TBC1D23: variants seen among roughly 807,000 people sequenced by gnomAD.
The protein encoded by TBC1D23 is HCV non-structural protein 4A-transactivated protein 1.
Under a neutral mutation model 91.4 loss-of-function variants are expected in TBC1D23, and 55 were observed. That is an observed-to-expected ratio of 0.60 (90% CI 0.48 to 0.75). The LOEUF (loss-of-function observed/expected upper bound fraction) is 0.75. Ranked by LOEUF, TBC1D23 falls within the 30% of genes least tolerant of loss-of-function variation. The pLI is 0.00. For missense variants in TBC1D23, 725 were observed against 836.1 expected, an observed-to-expected ratio of 0.87 and a Z score of 1.64; for synonymous variants, 289 against 281.0, an observed-to-expected ratio of 1.03 and a Z score of -0.28.
At chr3:100,268,408 C>A (rs2067574237) in intron 1 of TBC1D23, among the ~76,000 whole-genome samples, 1 of 151,874 alleles carries the variant, frequency 6.6e-6, no homozygotes, top group South Asian at 2.1e-4. Context: ...TAAAAAAAAA[C>A]CCAATATGTA....
intron 4 of TBC1D23, among the ~76,000 whole-genome samples, chr3:100,286,938 C>T (rs1007956382): frequency 2.0e-5 from 3 of 152,118 alleles, no homozygotes; most frequent in African/African-American, 7.2e-5. Flanking sequence ...GCTTCAGCCC[C>T]CGAGTAGCTG....
chr3:100,266,335 C>T (rs975078953), intron 1 of TBC1D23, among the ~76,000 whole-genome samples: 111 of 151,472 alleles, frequency 7.3e-4, no homozygotes, highest in African/African-American at 2.6e-3. Flanking sequence ...AGTGTGCGAT[C>T]TTGGTTCACT....
chr3:100,299,177 T>C (rs1705369043), intron 9 of TBC1D23, 62 bp from the exon 10 acceptor site: 2 of 1,064,434 alleles, frequency 1.9e-6, no homozygotes, highest in African/African-American at 3.1e-5. Flanking sequence ...CTGTGAATAT[T>C]ATGTTGTGCA....
intron 1 of TBC1D23, 128 bp downstream of exon 1, chr3:100,261,199 C>T: frequency 1.2e-6 from 1 of 844,278 alleles, no homozygotes; most frequent in Non-Finnish European, 1.9e-6. Context: ...AGTCCGGTGC[C>T]CTGCCCTACC....
rs898731874 is a variant in TBC1D23 at position 100,325,125 on chromosome 3, G to A, written c.*1457G>A. 6.6e-6 allele frequency: 1 copy of A among 152,066 alleles called. No homozygotes were observed. Among genetic ancestry groups the A allele is most frequent in the Non-Finnish European group, 1.5e-5 (1 of 68,010 alleles). 9.4% of individuals were successfully genotyped at this position (152,066 alleles called of 1,614,324 possible). A position where few individuals can be genotyped will look rare whatever the true frequency, so the allele number is the denominator to read the frequency against. On this transcript the variant is annotated 3_prime_UTR_variant, in exon 19 of 19. Transcript: ENST00000394144. ...GGCACCCCTTTAGAAATGTACTGAAGTCTCATTTTTCACCCATTTCAGCCA... is the reference window on the plus strand; with the variant it reads ...GGCACCCCTTTAGAAATGTACTGAAATCTCATTTTTCACCCATTTCAGCCA...
At chr3:100,264,599 TG>T (rs2067543357) in intron 1 of TBC1D23, among the ~76,000 whole-genome samples, 1 of 152,232 alleles carries the variant, frequency 6.6e-6, no homozygotes, top group South Asian at 2.1e-4. Flanking sequence ...ATTGTTGCTA[TG>T]TTAAGTGACA....
At chr3:100,269,411 C>G (rs969644819) in intron 1 of TBC1D23, among the ~76,000 whole-genome samples, 1 of 152,198 alleles carries the variant, frequency 6.6e-6, no homozygotes, top group African/African-American at 2.4e-5. Context: ...ATGCTTGTAA[C>G]AAGCATGTCT....
intron 15 of TBC1D23, among the ~76,000 whole-genome samples, chr3:100,313,157 A>G (rs1705659431): frequency 6.6e-6 from 1 of 152,146 alleles, no homozygotes. Context: ...CTTTAAAGGA[A>G]ATTGCTTGTT....
At chr3:100,264,461 A>G (rs938385752) in intron 1 of TBC1D23, among the ~76,000 whole-genome samples, 1 of 152,210 alleles carries the variant, frequency 6.6e-6, no homozygotes, top group Admixed American at 6.5e-5. Context: ...TGTAAGTGTA[A>G]TTTAAGGATA....
intron 11 of TBC1D23, among the ~76,000 whole-genome samples, chr3:100,303,506 C>T (rs1425307293): frequency 6.6e-6 from 1 of 152,150 alleles, no homozygotes. Flanking sequence ...CACAGTGGCT[C>T]CCACCTATAA....
intron 1 of TBC1D23, among the ~76,000 whole-genome samples, chr3:100,273,930 G>T (rs920979107): frequency 6.6e-6 from 1 of 152,004 alleles, no homozygotes; most frequent in Admixed American, 6.5e-5. Flanking sequence ...ATTCAAAATT[G>T]TATTTTCAGT....
intron 1 of TBC1D23, among the ~76,000 whole-genome samples, chr3:100,266,332 G>A (rs556620991): frequency 1.6e-4 from 24 of 151,864 alleles, no homozygotes; most frequent in East Asian, 1.5e-3. Context: ...TGCAGTGTGC[G>A]ATCTTGGTTC....
At position 100,314,091 on chromosome 3, in the gene TBC1D23, A is replaced by ATTTTT. The variant is rs71299383; in HGVS notation, c.1599-1987_1599-1983dup. Among the ~76,000 whole-genome samples the ATTTTT allele has an allele frequency of 2.7e-3, 257 of 94,582 alleles. 1 individual carries two copies. Among genetic ancestry groups the ATTTTT allele is most frequent in the Non-Finnish European group, 3.7e-3 (187 of 50,264 alleles). The allele number at this position is 94,582 out of a possible 152,430, so 62.0% of individuals were successfully genotyped here. A position where few individuals can be genotyped will look rare whatever the true frequency, so the allele number is the denominator to read the frequency against. ...TAAATCAACAAAATTAGGCTACAAA[A>ATTTTT]TTTTTTTTTTTTTTTTTTTTTTTTT... On this transcript the variant is annotated intron_variant, in intron 15 of 18. Transcript: ENST00000394144.
intron 3 of TBC1D23, among the ~76,000 whole-genome samples, chr3:100,283,357 A>G (rs2067711230): frequency 1.3e-5 from 2 of 151,960 alleles, no homozygotes; most frequent in African/African-American, 4.8e-5. Flanking sequence ...CTGGGTGACA[A>G]GCTAAACTCC....
In TBC1D23 at chr3:100,297,753, T is replaced by C. The variant is rs887581212; in HGVS notation, c.877-170T>C. Among the ~76,000 whole-genome samples the C allele has an allele frequency of 3.3e-5, 5 of 152,206 alleles. No individual in the cohort carries two copies. The East Asian group carries it at 9.7e-4, about 29-fold the overall frequency. On this transcript the variant is annotated intron_variant, in intron 8 of 18. Coordinates refer to ENST00000394144, the MANE Select transcript of TBC1D23 (RefSeq NM_001199198.3). ...ACACTGACAGGGACTTTATGTGACA[T>C]TTTTGTAGTTCTTAGCCTATAAAAT...
intron 13 of TBC1D23, among the ~76,000 whole-genome samples, chr3:100,307,180 G>C (rs1482672597): frequency 6.6e-6 from 1 of 152,144 alleles, no homozygotes; most frequent in East Asian, 1.9e-4. Flanking sequence ...TTGGGTAATA[G>C]GTCTTTTGTG....
intron 1 of TBC1D23, among the ~76,000 whole-genome samples, chr3:100,275,730 A>G (rs1235501647): frequency 6.6e-6 from 1 of 152,240 alleles, no homozygotes; most frequent in Non-Finnish European, 1.5e-5. Flanking sequence ...AAATTAAGGT[A>G]ATTATAATAA....
At chr3:100,314,392 A>C (rs1172085212) in intron 15 of TBC1D23, among the ~76,000 whole-genome samples, 3 of 152,114 alleles carry the variant, frequency 2.0e-5, no homozygotes, top group African/African-American at 7.2e-5. Flanking sequence ...AGCGTGAGCC[A>C]CTGTAACCGG....
At chr3:100,272,376 C>T (rs2067606948) in intron 1 of TBC1D23, among the ~76,000 whole-genome samples, 1 of 152,132 alleles carries the variant, frequency 6.6e-6, no homozygotes, top group Admixed American at 6.6e-5. Context: ...GTTTTCTGTT[C>T]CTCCTTTAGT....
Sources: gnomAD v4.1 joint callset for allele counts (sites outside exome capture counted in the v4.1 genomes callset) on GRCh38, gnomAD v4.1.1 for gene constraint, MANE v1.5 for transcripts, NCBI Gene and HGNC (gene_info 2026-07-23, HGNC 2026-07-21) for gene names.